Variants in KLK15 observed in about 807,000 individuals in gnomAD.
KLK15 encodes the protein kallikrein-15.
A neutral mutation model predicts 21.1 loss-of-function variants in KLK15; 19 were observed. That is an observed-to-expected ratio of 0.90 (90% CI 0.63 to 1.32). The LOEUF (loss-of-function observed/expected upper bound fraction) is 1.32. Ranked by LOEUF, KLK15 falls within the 40% of genes most tolerant of loss-of-function variation. KLK15 has a pLI of 0.00. For missense variants in KLK15, 345 were observed against 348.6 expected (o/e 0.99, Z 0.08); for synonymous variants, 141 against 141.5 (o/e 1.00, Z 0.03).
chr19:50,831,663 C>G, upstream of KLK15: 2 of 469,368 alleles, frequency 4.3e-6, no homozygotes, highest in Non-Finnish European at 7.2e-6. Flanking sequence ...CCCCACTCTG[C>G]GCTTCCTTCT....
At chr19:50,826,650 C>T (rs762590751) in exon 4 of KLK15, 10 of 1,610,394 alleles carry the variant, frequency 6.2e-6, no homozygotes, top group African/African-American at 1.3e-5. Context: ...CTGCCCTCCG[C>T]GCCTGCACAC....
At chr19:50,833,343 C>T (rs996075819), upstream of KLK15, among the ~76,000 whole-genome samples, 2 of 152,168 alleles carry the variant, frequency 1.3e-5, no homozygotes, top group African/African-American at 2.4e-5. Context: ...CACTGCAGCT[C>T]CTTCTGGCCA....
At chr19:50,833,265 G>T (rs528597807), upstream of KLK15, 1 of 153,418 alleles carries the variant, frequency 6.5e-6, no homozygotes, top group Admixed American at 6.5e-5. Flanking sequence ...TCCTGACCAC[G>T]TTCTTGGCTC....
chr19:50,826,731 C>T (rs139728606), exon 4 of KLK15: 27 of 1,613,274 alleles, frequency 1.7e-5, no homozygotes, highest in Non-Finnish European at 2.3e-5. Flanking sequence ...CTGATGTTGG[C>T]ACAATGCAAC....
chr19:50,826,385 A>G, intron 4 of KLK15: 3 of 501,034 alleles, frequency 6.0e-6, no homozygotes, highest in Non-Finnish European at 1.0e-5. Flanking sequence ...CCCATTCTCA[A>G]CCCCAACCCA....
At chr19:50,827,597 C>T in intron 2 of KLK15, 65 bp downstream of exon 3, 1 of 1,540,842 alleles carries the variant, frequency 6.5e-7, no homozygotes, top group Non-Finnish European at 8.9e-7. Flanking sequence ...CCGTCTTCCC[C>T]CAAATCTAGG....
At chr19:50,827,099 C>T in exon 3 of KLK15, 2 of 1,605,294 alleles carry the variant, frequency 1.2e-6, no homozygotes, top group Non-Finnish European at 1.7e-6. Flanking sequence ...AGACGTGGTC[C>T]GTAGTTGCTC....
At chr19:50,828,078 G>A (rs2089916979) in intron 1 of KLK15, among the ~76,000 whole-genome samples, 1 of 151,180 alleles carries the variant, frequency 6.6e-6, no homozygotes, top group Non-Finnish European at 1.5e-5. Flanking sequence ...TCAGCCTCCC[G>A]AGTAGCTGAG....
At chr19:50,827,779 T>C in exon 2 of KLK15, 1 of 1,611,278 alleles carries the variant, frequency 6.2e-7, no homozygotes, top group Non-Finnish European at 8.5e-7. Flanking sequence ...GGGTGCACAC[T>C]CGTCACCTTC....
chr19:50,826,555 C>G (rs1277800876), intron 4 of KLK15, 66 bp downstream of exon 5: 1 of 1,499,392 alleles, frequency 6.7e-7, no homozygotes, highest in Admixed American at 2.3e-5. Flanking sequence ...AAATCCAACC[C>G]CATCCGGACT....
chr19:50,832,786 G>A (rs1042277303), upstream of KLK15, among the ~76,000 whole-genome samples: 9 of 151,988 alleles, frequency 5.9e-5, no homozygotes, highest in African/African-American at 1.9e-4. Context: ...TTCCAGCCCC[G>A]CTTCCTCCTT....
exon 5 of KLK15, chr19:50,825,910 C>A: frequency 6.2e-7 from 1 of 1,613,962 alleles, no homozygotes; most frequent in Non-Finnish European, 8.5e-7. Flanking sequence ...CAATGCCCTG[C>A]AGGATGCCCC....
At position 50,831,439 on chromosome 19, in the gene KLK15, G is replaced by A; in HGVS notation, c.43+11C>T. 1 of 1,422,876 alleles carries A rather than the reference G, an allele frequency of 7.0e-7. No individual in the cohort carries two copies. Among genetic ancestry groups the A allele is most frequent in the African/African-American group, 1.5e-5 (1 of 66,064 alleles). The allele number at this position is 1,422,876 out of a possible 1,614,324, so 88.1% of individuals were successfully genotyped here. On this transcript the variant is annotated intron_variant, in intron 1 of 4. Coordinates refer to ENST00000598239, the Ensembl canonical transcript of KLK15. ...TCCCACAGACCTGGCCCCCTCCTGG[G>A]GCCACCTCACCTGTGGATGCCAGCA...
chr19:50,826,680 G>A lies in KLK15; in HGVS notation c.559C>T (p.Arg187Cys), dbSNP rs1568483222. The A allele has an allele frequency of 3.1e-6, 5 of 1,613,830 alleles. No homozygotes were observed. The highest frequency in any genetic ancestry group is 4.2e-6 in the Non-Finnish European group (5 of 1,179,962). ...GCACACACCATGGTGTTTGTCAGGC[G>A]CCCTGGGTAGCTCTTGTCACAAGAT... The change falls in exon 4 of 5, where the codon CGC becomes TGC. Residue 187 changes from arginine to cysteine, a missense_variant. By Grantham distance (180) the Arg-to-Cys change is radical. Coordinates refer to ENST00000598239, the Ensembl canonical transcript of KLK15.
intron 1 of KLK15, among the ~76,000 whole-genome samples, chr19:50,830,844 A>G (rs188626905): frequency 5.7e-4 from 87 of 152,114 alleles, no homozygotes; most frequent in African/African-American, 1.9e-3. Flanking sequence ...CACCACACAT[A>G]GACGTTGTAT....
At chr19:50,830,262 T>G (rs1948172925) in intron 1 of KLK15, among the ~76,000 whole-genome samples, 1 of 151,596 alleles carries the variant, frequency 6.6e-6, no homozygotes, top group African/African-American at 2.4e-5. Flanking sequence ...CACTGGGCAA[T>G]GTGGATGCAT....
chr19:50,827,014 G>T, exon 3 of KLK15: 2 of 1,605,988 alleles, frequency 1.2e-6, no homozygotes. Context: ...TCAGGCGTGC[G>T]GGCTGGACTA....
At chr19:50,830,783 C>T (rs1266451355) in intron 1 of KLK15, among the ~76,000 whole-genome samples, 1 of 152,208 alleles carries the variant, frequency 6.6e-6, no homozygotes, top group Admixed American at 6.5e-5. Context: ...ATGTTGTGGC[C>T]GTCCCTCTGA....
chr19:50,832,325 T>TTC (rs1555766964), upstream of KLK15, among the ~76,000 whole-genome samples: 1,726 of 135,954 alleles, frequency 0.013, 49 homozygotes, highest in African/African-American at 0.048. Context: ...TTTTTTTCTT[T>TTC]TTTTTTTTTT....
Sources: allele counts gnomAD v4.1 joint callset (sites outside exome capture counted in the v4.1 genomes callset), GRCh38; gene constraint gnomAD v4.1.1; transcripts MANE v1.5; gene names NCBI Gene and HGNC (gene_info 2026-07-23, HGNC 2026-07-21).